MARK3: variants seen among roughly 807,000 people sequenced by gnomAD.
MARK3 encodes the protein microtubule affinity regulating kinase 3.
In MARK3, 46 loss-of-function variants were observed where a neutral mutation model predicts 90.1. The ratio of observed to expected loss-of-function variants is 0.51; its 90% confidence interval spans 0.40 to 0.65. The LOEUF (loss-of-function observed/expected upper bound fraction) is 0.65, where lower values mean the gene tolerates loss of function less well. MARK3 is among the 30% of genes least tolerant of loss of function. The probability of loss-of-function intolerance (pLI) is 0.00; values close to 1 mark genes in which losing one functional copy is unlikely to be tolerated. For synonymous variants in MARK3, 321 were observed against 332.6 expected, an observed-to-expected ratio of 0.97 and a Z score of 0.38; for missense variants, 818 against 947.2, an observed-to-expected ratio of 0.86 and a Z score of 1.79.
At chr14:103,454,180 C>A (rs976291759) in intron 5 of MARK3, among the ~76,000 whole-genome samples, 1 of 151,904 alleles carries the variant, frequency 6.6e-6, no homozygotes, top group African/African-American at 2.4e-5. Context: ...TCTGAGGGCT[C>A]AGTGCACTTG....
rs182780709 is a variant in MARK3, at chr14:103,496,194, C to T, written c.1845-2308C>T. On this transcript the variant is annotated intron_variant, in intron 15 of 17. Coordinates refer to ENST00000429436, the MANE Select transcript of MARK3 (RefSeq NM_001128918.3). ...TGAAGGCCTCCTCCTGCAGCTGCCT[C>T]CTTCCTCTTTATACCTCAAGGGATT... Among the ~76,000 whole-genome samples, 245 of 152,298 alleles carry T rather than the reference C, an allele frequency of 1.6e-3. 3 individuals are homozygous for T. In the Middle Eastern group the frequency reaches 0.017, roughly 11 times the overall value.
At chr14:103,405,743 C>T (rs939899946) in intron 2 of MARK3, among the ~76,000 whole-genome samples, 3 of 145,436 alleles carry the variant, frequency 2.1e-5, no homozygotes, top group East Asian at 2.1e-4. Context: ...CACCACACCA[C>T]GCTAATTTTT....
intron 2 of MARK3, among the ~76,000 whole-genome samples, chr14:103,407,554 CTTTT>C (rs71460673): frequency 2.2e-4 from 16 of 71,660 alleles, no homozygotes; most frequent in East Asian, 1.1e-3. Flanking sequence ...TGTTTTGCCT[CTTTT>C]TTTTTTTTTT....
intron 2 of MARK3, among the ~76,000 whole-genome samples, chr14:103,427,459 C>T (rs2092443196): frequency 7.1e-6 from 1 of 141,766 alleles, no homozygotes; most frequent in South Asian, 2.2e-4. Flanking sequence ...GAGATCATGT[C>T]ACTGCTCTCC....
At chr14:103,412,837 G>T in intron 2 of MARK3, 1 of 333,356 alleles carries the variant, frequency 3.0e-6, no homozygotes. Flanking sequence ...GGAGGAAATT[G>T]ATATTTTAAT....
At chr14:103,395,330 GTT>G (rs200551813) in intron 1 of MARK3, among the ~76,000 whole-genome samples, 3 of 144,782 alleles carry the variant, frequency 2.1e-5, no homozygotes, top group African/African-American at 2.5e-5. Context: ...GTGCCTCATG[GTT>G]TTTTTTTTTT....
At chr14:103,416,569 G>A (rs1379976826) in intron 2 of MARK3, among the ~76,000 whole-genome samples, 1 of 152,164 alleles carries the variant, frequency 6.6e-6, no homozygotes, top group Non-Finnish European at 1.5e-5. Context: ...TCAGGAGTTC[G>A]AGACCAGCCT....
chr14:103,390,116 C>T (rs1260867719), intron 1 of MARK3, among the ~76,000 whole-genome samples: 3 of 151,768 alleles, frequency 2.0e-5, no homozygotes, highest in African/African-American at 7.3e-5. Flanking sequence ...GGCGTGGTGG[C>T]AGGTGCCTGT....
chr14:103,493,691 A>T (rs1052642904), intron 15 of MARK3, among the ~76,000 whole-genome samples: 3 of 151,672 alleles, frequency 2.0e-5, no homozygotes, highest in Non-Finnish European at 4.4e-5. Context: ...CCTGACCAAT[A>T]TGGTGAAACC....
chr14:103,424,823 C>T (rs1384913350), intron 2 of MARK3, among the ~76,000 whole-genome samples: 1 of 152,068 alleles, frequency 6.6e-6, no homozygotes, highest in African/African-American at 2.4e-5. Context: ...AAAATTCATT[C>T]GACTTTGATT....
At chr14:103,405,474 C>T (rs2091225356) in intron 2 of MARK3, among the ~76,000 whole-genome samples, 2 of 152,080 alleles carry the variant, frequency 1.3e-5, no homozygotes, top group Non-Finnish European at 2.9e-5. Context: ...CCTCAGCCTC[C>T]CGAGTAGCTG....
chr14:103,405,441 C>T (rs886863805), intron 2 of MARK3, among the ~76,000 whole-genome samples, 174 bp downstream of exon 2: 3 of 152,126 alleles, frequency 2.0e-5, no homozygotes, highest in African/African-American at 4.8e-5. Flanking sequence ...AACTCTGCCT[C>T]CCGGGTTCAC....
chr14:103,461,424 G>T (rs1208708214), intron 6 of MARK3, among the ~76,000 whole-genome samples: 1 of 152,094 alleles, frequency 6.6e-6, no homozygotes, highest in Non-Finnish European at 1.5e-5. Flanking sequence ...TTAATCATAG[G>T]CATGACTGCA....
At chr14:103,453,758 A>G (rs780864896) in intron 5 of MARK3, among the ~76,000 whole-genome samples, 3 of 152,168 alleles carry the variant, frequency 2.0e-5, no homozygotes, top group African/African-American at 4.8e-5. Context: ...TACAGCCTCT[A>G]CAGTGTACAA....
intron 7 of MARK3, among the ~76,000 whole-genome samples, chr14:103,463,164 T>A (rs193061526): frequency 7.4e-4 from 111 of 149,348 alleles, no homozygotes; most frequent in African/African-American, 2.6e-3. Flanking sequence ...TTTTTTTAAC[T>A]AAAAAGCCAT....
In MARK3 at chr14:103,385,614, C is replaced by G. The variant is rs369238081; in HGVS notation, c.-416C>G. The G allele has an allele frequency of 3.1e-5, 5 of 163,792 alleles. No homozygotes were observed. Among genetic ancestry groups the G allele is most frequent in the African/African-American group, 1.2e-4 (5 of 41,814 alleles). 10.1% of individuals were successfully genotyped at this position (163,792 alleles called of 1,614,324 possible). On this transcript the variant is annotated 5_prime_UTR_variant, in exon 1 of 18. Transcript: ENST00000429436. ...CTTCCTTCACATCCTCCTCCGCCTCCTCGTTTTCAGGCGCCGCCGGCGGCG... is the reference window on the plus strand; with the variant it reads ...CTTCCTTCACATCCTCCTCCGCCTCGTCGTTTTCAGGCGCCGCCGGCGGCG...
At chr14:103,402,169 G>T (rs1018744059) in intron 1 of MARK3, among the ~76,000 whole-genome samples, 1 of 152,202 alleles carries the variant, frequency 6.6e-6, no homozygotes, top group Admixed American at 6.5e-5. Context: ...AAGGTTACAT[G>T]CTAGTGGAAG....
chr14:103,501,172 G>A (rs1023395846), intron 17 of MARK3, among the ~76,000 whole-genome samples: 4 of 152,138 alleles, frequency 2.6e-5, no homozygotes, highest in Admixed American at 6.6e-5. Context: ...ACCTGGCCAC[G>A]TCCCTGCGAG....
At chr14:103,425,249 A>ATTATTTATTTATTTAT (rs71460674) in intron 2 of MARK3, among the ~76,000 whole-genome samples, 40 of 146,750 alleles carry the variant, frequency 2.7e-4, no homozygotes, top group South Asian at 2.6e-3. Context: ...CTATTTATTT[A>ATTATTTATTTATTTAT]TTATTTATTT....
Sources: gnomAD v4.1 joint callset for allele counts (sites outside exome capture counted in the v4.1 genomes callset) on GRCh38, gnomAD v4.1.1 for gene constraint, MANE v1.5 for transcripts, NCBI Gene and HGNC (gene_info 2026-07-23, HGNC 2026-07-21) for gene names.